The following DEPDC1B variants were observed in gnomAD, a reference collection of about 807,000 sequenced individuals.
The protein encoded by DEPDC1B is DEP domain containing 1B.
In DEPDC1B, 51 loss-of-function variants were observed where a neutral mutation model predicts 66.5. The ratio of observed to expected loss-of-function variants is 0.77; its 90% CI spans 0.61 to 0.97. The LOEUF (loss-of-function observed/expected upper bound fraction) is 0.97. DEPDC1B is among the 50% of genes least tolerant of loss of function. The pLI, the probability that DEPDC1B is intolerant of heterozygous loss-of-function variation, is 0.00. For synonymous variants in DEPDC1B, 226 were observed against 223.6 expected, an observed-to-expected ratio of 1.01 and a Z score of -0.10; for missense variants, 552 against 637.1, an observed-to-expected ratio of 0.87 and a Z score of 1.44.
In DEPDC1B at chr5:60,597,687, C is replaced by T; in HGVS notation, c.*66G>A. ...TCTTTCTTCCACCACCAAAGTCTTT[C>T]TCCTAACCACCATTCACTCAAAACA... On this transcript the variant is annotated 3_prime_UTR_variant, in exon 11 of 11. Coordinates refer to ENST00000265036, the MANE Select transcript of DEPDC1B (RefSeq NM_018369.3). The T allele has an allele frequency of 6.6e-7, 1 of 1,516,972 alleles. No individual in the cohort carries two copies. Among genetic ancestry groups the T allele is most frequent in the Non-Finnish European group, 8.9e-7 (1 of 1,127,898 alleles). The allele number at this position is 1,516,972 out of a possible 1,614,324, so 94.0% of individuals were successfully genotyped here. A position where few individuals can be genotyped will look rare whatever the true frequency, so the allele number is the denominator to read the frequency against.
At chr5:60,664,637 A>T (rs1753797061) in intron 2 of DEPDC1B, among the ~76,000 whole-genome samples, 1 of 152,170 alleles carries the variant, frequency 6.6e-6, no homozygotes. Flanking sequence ...CAACTTGTGT[A>T]CTGATGGAAG....
chr5:60,671,226 C>G (rs533779779), intron 2 of DEPDC1B, among the ~76,000 whole-genome samples: 1 of 152,290 alleles, frequency 6.6e-6, no homozygotes, highest in East Asian at 1.9e-4. Context: ...AGCAATGAGA[C>G]TAACTGCAAC....
intron 3 of DEPDC1B, among the ~76,000 whole-genome samples, 171 bp from the exon 4 acceptor site, chr5:60,645,790 A>G (rs547907803): frequency 6.6e-6 from 1 of 152,288 alleles, no homozygotes; most frequent in African/African-American, 2.4e-5. Flanking sequence ...CTTTACATGG[A>G]CCTCAGAGAA....
intron 7 of DEPDC1B, among the ~76,000 whole-genome samples, chr5:60,613,788 TTGTGTGTG>T (rs36109910): frequency 7.2e-4 from 74 of 103,376 alleles, no homozygotes; most frequent in African/African-American, 1.3e-3. Flanking sequence ...ACATATGTAT[TTGTGTGTG>T]TGTGTGTGTG....
Position 60,687,033 on chromosome 5 carries a change from C to A in DEPDC1B, c.243G>T (p.Lys81Asn). The A allele has an allele frequency of 6.2e-7, 1 of 1,614,192 alleles. No homozygotes were observed. Among genetic ancestry groups the A allele is most frequent in the Non-Finnish European group, 8.5e-7 (1 of 1,180,044 alleles). The stretch of plus-strand genomic sequence containing the variant: ...CCTTGATGTCTTCAATAACGTGATT[C>A]TTCAGGAATTTTTTTAGCAGCTGGA... ...QTVQLLKKFLKNHVIEDIKGK... is the reference protein window; with the variant it reads ...QTVQLLKKFLNNHVIEDIKGK... The change falls in exon 2 of 11, where the codon AAG becomes AAT. Residue 81 changes from lysine to asparagine, a missense_variant. Lys to Asn is a moderately conservative substitution (Grantham distance 94). Transcript: ENST00000265036.
intron 2 of DEPDC1B, among the ~76,000 whole-genome samples, chr5:60,683,518 T>C (rs1290413477): frequency 1.3e-5 from 2 of 152,046 alleles, no homozygotes; most frequent in Non-Finnish European, 2.9e-5. Context: ...ACAAAAACCA[T>C]ATGACCACTC....
intron 7 of DEPDC1B, among the ~76,000 whole-genome samples, chr5:60,626,982 T>C (rs1752820879): frequency 6.6e-6 from 1 of 152,134 alleles, no homozygotes; most frequent in Admixed American, 6.5e-5. Flanking sequence ...GTATCTATAA[T>C]ACTTGTGAAG....
chr5:60,661,524 A>G (rs1182957766), intron 2 of DEPDC1B, among the ~76,000 whole-genome samples: 1 of 152,204 alleles, frequency 6.6e-6, no homozygotes, highest in Non-Finnish European at 1.5e-5. Flanking sequence ...GCCCAGTCAG[A>G]GTGCATGTAC....
At chr5:60,616,324 T>C (rs1340035503) in intron 7 of DEPDC1B, among the ~76,000 whole-genome samples, 1 of 152,074 alleles carries the variant, frequency 6.6e-6, no homozygotes, top group African/African-American at 2.4e-5. Flanking sequence ...GCAGAAGGCT[T>C]CAGATGATCA....
intron 7 of DEPDC1B, among the ~76,000 whole-genome samples, chr5:60,622,640 TCA>T (rs1205394327): frequency 1.3e-5 from 2 of 152,224 alleles, no homozygotes; most frequent in East Asian, 3.8e-4. Flanking sequence ...CTGTGTCATT[TCA>T]CAGTCCTATC....
At position 60,700,076 on chromosome 5, in the gene DEPDC1B, C is replaced by T; in HGVS notation, c.18G>A (p.Val6=). The stretch of plus-strand genomic sequence containing the variant: ...TGGTAGCTCGGTACGGCCCGGGCCC[C>T]ACGATGCGATGCTCCATGGCGCGTA... The part of the protein sequence containing the change: MEHRI[V]GPGPYRATRL... Residue 6 remains valine, a synonymous_variant, in exon 1 of 11, where the codon GTG becomes GTA. Coordinates refer to ENST00000265036, the MANE Select transcript of DEPDC1B (RefSeq NM_018369.3). 3 of 1,557,782 alleles carry T rather than the reference C, an allele frequency of 1.9e-6. No individual in the cohort carries two copies. The highest frequency in any genetic ancestry group is 2.6e-6 in the Non-Finnish European group (3 of 1,153,014).
chr5:60,654,365 T>TC (rs1561377063), intron 2 of DEPDC1B, among the ~76,000 whole-genome samples: 2 of 148,140 alleles, frequency 1.4e-5, no homozygotes, highest in Non-Finnish European at 3.0e-5. Flanking sequence ...GTTTTTTTTT[T>TC]CTTTTTTTTT....
At chr5:60,690,275 G>A (rs1584106601) in intron 1 of DEPDC1B, among the ~76,000 whole-genome samples, 3 of 152,138 alleles carry the variant, frequency 2.0e-5, no homozygotes, top group South Asian at 2.1e-4. Context: ...TGACTGAAGC[G>A]TGGAATAGCC....
At chr5:60,651,877 GA>G (rs1329169320) in intron 2 of DEPDC1B, among the ~76,000 whole-genome samples, 2 of 152,220 alleles carry the variant, frequency 1.3e-5, no homozygotes, top group Non-Finnish European at 1.5e-5. Flanking sequence ...TGATGAAAAT[GA>G]CAACTGGTTT....
intron 5 of DEPDC1B, among the ~76,000 whole-genome samples, chr5:60,643,937 T>A (rs1275300858): frequency 6.6e-6 from 1 of 152,200 alleles, no homozygotes; most frequent in East Asian, 1.9e-4. Flanking sequence ...CAGGCTATTC[T>A]GCTACATTCT....
chr5:60,656,989 A>T (rs1753592272), intron 2 of DEPDC1B, among the ~76,000 whole-genome samples: 1 of 152,160 alleles, frequency 6.6e-6, no homozygotes, highest in Non-Finnish European at 1.5e-5. Flanking sequence ...GTACATATAT[A>T]TTTAGGATTG....
intron 1 of DEPDC1B, among the ~76,000 whole-genome samples, chr5:60,693,743 A>G (rs1313333956): frequency 1.3e-5 from 2 of 152,132 alleles, no homozygotes; most frequent in Non-Finnish European, 2.9e-5. Flanking sequence ...ATACCTTTAA[A>G]CAATTTTCAC....
chr5:60,634,675 AAAATAAATAAAT>A (rs57970296), intron 7 of DEPDC1B, among the ~76,000 whole-genome samples: 1 of 146,458 alleles, frequency 6.8e-6, no homozygotes. Flanking sequence ...CTGTCTCAAA[AAAATAAATAAAT>A]AAATAAATAA....
In DEPDC1B at chr5:60,637,128, G is replaced by C. The variant is rs529519908; in HGVS notation, c.898+1622C>G. On this transcript the variant is annotated intron_variant, in intron 7 of 10. Transcript: ENST00000265036. ...ATACAATCTTTAAAACTCTTATTTT[G>C]CCAGTGGCATAAAGGCAGTAAGTGG... Among the ~76,000 whole-genome samples the C allele has an allele frequency of 2.0e-5, 3 of 152,206 alleles. No individual in the cohort carries two copies. In the East Asian group the frequency reaches 5.8e-4, roughly 29 times the overall value.
Sources: allele counts gnomAD v4.1 joint callset (sites outside exome capture counted in the v4.1 genomes callset), GRCh38; gene constraint gnomAD v4.1.1; transcripts MANE v1.5; gene names NCBI Gene and HGNC (gene_info 2026-07-23, HGNC 2026-07-21).